TTC39C: variants seen among roughly 807,000 people sequenced by gnomAD.
TTC39C encodes tetratricopeptide repeat protein 39C.
A neutral mutation model predicts 76.3 loss-of-function variants in TTC39C; 33 were observed. That is an observed-to-expected ratio of 0.43 (90% confidence interval 0.33 to 0.58). TTC39C has a LOEUF of 0.58. Among genes scored for constraint, TTC39C ranks in the 20% least tolerant of loss-of-function variants. The pLI, the probability that TTC39C is intolerant of heterozygous loss-of-function variation, is 0.04. For synonymous variants in TTC39C, 254 were observed against 260.6 expected, an observed-to-expected ratio of 0.97 and a Z score of 0.24; for missense variants, 595 against 701.4, an observed-to-expected ratio of 0.85 and a Z score of 1.71.
At chr18:24,101,507 C>A (rs112200859) in intron 6 of TTC39C, among the ~76,000 whole-genome samples, 1 of 151,320 alleles carries the variant, frequency 6.6e-6, no homozygotes. Flanking sequence ...CGCAGTGAGT[C>A]GATATTGTGC....
intron 6 of TTC39C, among the ~76,000 whole-genome samples, chr18:24,109,026 T>G (rs977521361): frequency 1.3e-5 from 2 of 151,936 alleles, no homozygotes; most frequent in African/African-American, 4.8e-5. Flanking sequence ...CTAAGAGTAT[T>G]ATACTTAAAT....
At chr18:24,122,813 G>A (rs370114684) in intron 8 of TTC39C, among the ~76,000 whole-genome samples, 1 of 152,122 alleles carries the variant, frequency 6.6e-6, no homozygotes, top group Non-Finnish European at 1.5e-5. Context: ...GACTCCGCTC[G>A]ACTTCTCCTA....
At chr18:24,123,017 A>G (rs925341289) in intron 8 of TTC39C, among the ~76,000 whole-genome samples, 3 of 151,102 alleles carry the variant, frequency 2.0e-5, no homozygotes, top group Admixed American at 6.5e-5. Flanking sequence ...ATTCAAGCAC[A>G]TGTGTTTCTT....
intron 1 of TTC39C, among the ~76,000 whole-genome samples, chr18:24,054,226 C>A (rs889082188): frequency 6.6e-6 from 1 of 152,114 alleles, no homozygotes; most frequent in Non-Finnish European, 1.5e-5. Flanking sequence ...CTCTGAGAGG[C>A]CTCAGCTTGC....
At chr18:24,124,233 A>C in intron 9 of TTC39C, 1 of 227,246 alleles carries the variant, frequency 4.4e-6, no homozygotes, top group Non-Finnish European at 8.5e-6. Context: ...CCTTCATGGA[A>C]ATCTTTAGCA....
chr18:24,004,134 G>A (rs529387655), intron 1 of TTC39C, among the ~76,000 whole-genome samples: 1 of 152,284 alleles, frequency 6.6e-6, no homozygotes, highest in South Asian at 2.1e-4. Flanking sequence ...AGGCAGAAGT[G>A]AGGAACAAGG....
intron 1 of TTC39C, among the ~76,000 whole-genome samples, chr18:24,052,024 A>G (rs2083957632): frequency 6.6e-6 from 1 of 152,234 alleles, no homozygotes; most frequent in Non-Finnish European, 1.5e-5. Flanking sequence ...ATCAAATAGT[A>G]ATAAATGCTC....
chr18:24,052,851 GACCTGGGTGACTGT>G (rs1346860792), intron 1 of TTC39C, among the ~76,000 whole-genome samples: 1 of 152,198 alleles, frequency 6.6e-6, no homozygotes, highest in Non-Finnish European at 1.5e-5. Context: ...CATGGAATTG[GACCTGGGTGACTGT>G]ACCTGTCTCT....
chr18:24,010,786 GC>G (rs2083388362), upstream of TTC39C, among the ~76,000 whole-genome samples: 1 of 152,176 alleles, frequency 6.6e-6, no homozygotes, highest in Non-Finnish European at 1.5e-5. Flanking sequence ...GGTGGCTCAT[GC>G]CTGTAATCCC....
rs192645893 is a variant in TTC39C at position 24,128,476 on chromosome 18, A to G, written c.1421-410A>G. On this transcript the variant is annotated intron_variant, in intron 10 of 13. Transcript: ENST00000317571. ...TAAGATATATATCTTATTGAATCTC[A>G]GTATCTTTATTAGTCTTTGGAAATA... is the stretch of plus-strand genomic sequence containing the variant. 6.1e-4 allele frequency among the ~76,000 whole-genome samples: 92 copies of G among 151,518 alleles called. No homozygotes were observed. In the East Asian group the frequency reaches 0.016, roughly 26 times the overall value.
intron 12 of TTC39C, among the ~76,000 whole-genome samples, chr18:24,131,020 CAAAAAAAAAAAAAAAAAA>C (rs59161044): frequency 0.017 from 239 of 14,432 alleles, 5 homozygotes; most frequent in African/African-American, 0.043. Flanking sequence ...CTCATCTCTG[CAAAAAAAAAAAAAAAAAA>C]AAAAAAAAAA....
intron 4 of TTC39C, among the ~76,000 whole-genome samples, chr18:24,076,276 G>C (rs531609407): frequency 6.6e-6 from 1 of 152,278 alleles, no homozygotes; most frequent in East Asian, 1.9e-4. Flanking sequence ...CACCGCGCCC[G>C]GCCTGCTCTG....
intron 1 of TTC39C, among the ~76,000 whole-genome samples, chr18:24,004,348 G>C (rs1420999242): frequency 2.0e-5 from 3 of 152,170 alleles, no homozygotes; most frequent in African/African-American, 7.2e-5. Context: ...TGTTTTTACT[G>C]TTTTTGTCTC....
chr18:24,059,947 A>G (rs2084071811), intron 1 of TTC39C, among the ~76,000 whole-genome samples: 1 of 152,178 alleles, frequency 6.6e-6, no homozygotes, highest in Non-Finnish European at 1.5e-5. Context: ...GCCAGGTGAA[A>G]GGGGAAATGC....
intron 1 of TTC39C, chr18:23,994,375 TTG>T (rs1207736461): frequency 1.3e-5 from 2 of 151,544 alleles, no homozygotes; most frequent in African/African-American, 4.9e-5. Context: ...TCCAAAACCT[TTG>T]TGTGAGAGCC....
intron 6 of TTC39C, among the ~76,000 whole-genome samples, chr18:24,102,071 A>G (rs1348043400): frequency 6.6e-6 from 1 of 152,190 alleles, no homozygotes; most frequent in African/African-American, 2.4e-5. Flanking sequence ...CTAGGAGAAG[A>G]CGTCAGCCTT....
intron 5 of TTC39C, among the ~76,000 whole-genome samples, chr18:24,081,881 G>C (rs147504365): frequency 1.2e-3 from 183 of 152,132 alleles, no homozygotes; most frequent in African/African-American, 4.3e-3. Context: ...GCTTATCTCT[G>C]ATAAAGAAAT....
At chr18:24,062,284 G>C (rs2084110774) in intron 1 of TTC39C, among the ~76,000 whole-genome samples, 1 of 152,160 alleles carries the variant, frequency 6.6e-6, no homozygotes, top group South Asian at 2.1e-4. Flanking sequence ...GCTAATATTT[G>C]AGCAGGGAAA....
At chr18:24,121,762 G>A (rs2084971381) in intron 8 of TTC39C, among the ~76,000 whole-genome samples, 2 of 152,156 alleles carry the variant, frequency 1.3e-5, no homozygotes, top group South Asian at 4.1e-4. Flanking sequence ...TCAAGCTAGG[G>A]ACAGCAGAAA....
Sources: allele counts gnomAD v4.1 joint callset (sites outside exome capture counted in the v4.1 genomes callset), GRCh38; gene constraint gnomAD v4.1.1; transcripts MANE v1.5; gene names NCBI Gene and HGNC (gene_info 2026-07-23, HGNC 2026-07-21).